MAD1L1: variants seen among roughly 807,000 people sequenced by gnomAD.
The protein encoded by MAD1L1 is mitotic arrest deficient 1 like 1, also known as mitotic spindle assembly checkpoint protein MAD1.
Under a neutral mutation model 96.9 loss-of-function variants are expected in MAD1L1, and 95 were observed. The observed-to-expected ratio is 0.98, with a 90% confidence interval of 0.83 to 1.16. MAD1L1 has a LOEUF of 1.16. MAD1L1 is among the 50% of genes most tolerant of loss of function. The pLI is 0.00. For missense variants in MAD1L1, 1,007 were observed against 954.4 expected, an observed-to-expected ratio of 1.06 and a Z score of -0.73; for synonymous variants, 473 against 396.6, an observed-to-expected ratio of 1.19 and a Z score of -2.29.
chr7:2,041,835 G>A (rs201439513), intron 12 of MAD1L1, among the ~76,000 whole-genome samples: 4 of 14,152 alleles, frequency 2.8e-4, no homozygotes, highest in Admixed American at 2.1e-3. Flanking sequence ...CAGCCCACAG[G>A]GGGGAGGGAT....
chr7:2,201,020 G>T (rs1177772068), intron 10 of MAD1L1, among the ~76,000 whole-genome samples: 3 of 152,220 alleles, frequency 2.0e-5, no homozygotes, highest in Non-Finnish European at 4.4e-5. Flanking sequence ...GTGCAGGCAA[G>T]ACCAGCAGCT....
intron 14 of MAD1L1, 101 bp downstream of exon 14, chr7:2,001,964 G>T: frequency 2.4e-6 from 3 of 1,227,940 alleles, no homozygotes; most frequent in Non-Finnish European, 3.6e-6. Context: ...AGGCAGCCAT[G>T]CACTGGCGCC....
chr7:2,165,029 C>T (rs984017295), intron 10 of MAD1L1, among the ~76,000 whole-genome samples: 5 of 151,980 alleles, frequency 3.3e-5, no homozygotes, highest in South Asian at 2.1e-4. Flanking sequence ...ACAGATTCAA[C>T]GAAACAAAAG....
rs78903708 is a variant in MAD1L1 at position 2,046,674 on chromosome 7, G to A, written c.1218+22520C>T. ...CTGCCCTACACTAAGCCGTGAGGAC[G>A]TCTTAGTGTAGGAAAGGGGTGAGCG... is the stretch of plus-strand genomic sequence containing the variant. On this transcript the variant is annotated intron_variant, in intron 12 of 18. Transcript: ENST00000265854. Among the ~76,000 whole-genome samples the A allele has an allele frequency of 4.0e-4, 61 of 152,312 alleles. 1 individual carries two copies. The East Asian group carries it at 6.2e-3, about 15-fold the overall frequency.
chr7:2,131,991 G>A (rs1011898142), intron 11 of MAD1L1, among the ~76,000 whole-genome samples: 27 of 152,138 alleles, frequency 1.8e-4, no homozygotes, highest in African/African-American at 5.1e-4. Context: ...TCGTAGACCC[G>A]CCGCGGCGCT....
intron 18 of MAD1L1, among the ~76,000 whole-genome samples, chr7:1,840,227 G>A (rs1278890098): frequency 2.6e-5 from 4 of 152,220 alleles, no homozygotes; most frequent in Non-Finnish European, 4.4e-5. Flanking sequence ...GCCGGTGAGC[G>A]TGAGCAAGTG....
At chr7:1,967,198 T>C (rs575847013) in intron 15 of MAD1L1, among the ~76,000 whole-genome samples, 5 of 152,216 alleles carry the variant, frequency 3.3e-5, no homozygotes, top group East Asian at 3.9e-4. Context: ...TGATTCTCAG[T>C]AGGCAGTGAT....
chr7:2,051,390 G>A (rs1361195994), intron 12 of MAD1L1, among the ~76,000 whole-genome samples: 1 of 152,226 alleles, frequency 6.6e-6, no homozygotes, highest in Non-Finnish European at 1.5e-5. Context: ...CCCACGTGGT[G>A]CTGTGGAGCC....
At chr7:2,104,243 T>G (rs1303781349) in intron 11 of MAD1L1, among the ~76,000 whole-genome samples, 1 of 152,214 alleles carries the variant, frequency 6.6e-6, no homozygotes, top group Non-Finnish European at 1.5e-5. Context: ...GAGTCCCCTG[T>G]GCACTGGCGG....
chr7:1,878,043 T>C (rs1785473786), intron 18 of MAD1L1, among the ~76,000 whole-genome samples: 1 of 152,068 alleles, frequency 6.6e-6, no homozygotes. Flanking sequence ...AATAATGAAT[T>C]ATTATGAATG....
chr7:2,100,591 C>T (rs567299013), intron 11 of MAD1L1, among the ~76,000 whole-genome samples: 19 of 152,376 alleles, frequency 1.2e-4, no homozygotes, highest in African/African-American at 4.6e-4. Context: ...AGCAGAGATG[C>T]TGTCCGTGTC....
At chr7:1,886,294 G>A (rs988543089) in intron 18 of MAD1L1, among the ~76,000 whole-genome samples, 1 of 152,234 alleles carries the variant, frequency 6.6e-6, no homozygotes, top group African/African-American at 2.4e-5. Context: ...GGGAGATGGT[G>A]GGCTGGCAGA....
chr7:2,093,877 T>C (rs956078355), intron 11 of MAD1L1, among the ~76,000 whole-genome samples: 1 of 152,160 alleles, frequency 6.6e-6, no homozygotes, highest in Admixed American at 6.5e-5. Context: ...CTCCATCAGC[T>C]GAAAAGCCTC....
At chr7:1,914,092 C>T (rs1471281094) in intron 17 of MAD1L1, among the ~76,000 whole-genome samples, 4 of 152,190 alleles carry the variant, frequency 2.6e-5, no homozygotes, top group South Asian at 2.1e-4. Flanking sequence ...CCAGGCCCGA[C>T]CCCACAATGG....
intron 18 of MAD1L1, among the ~76,000 whole-genome samples, chr7:1,876,244 T>C (rs915938864): frequency 1.3e-5 from 2 of 152,104 alleles, no homozygotes; most frequent in African/African-American, 4.8e-5. Context: ...TCCACAACCA[T>C]TGGTCATGTT....
At chr7:1,934,014 G>T (rs1789632541) in intron 17 of MAD1L1, among the ~76,000 whole-genome samples, 1 of 152,318 alleles carries the variant, frequency 6.6e-6, no homozygotes, top group Admixed American at 6.5e-5. Context: ...GACTCCAAAA[G>T]TCTGCCTCTG....
At chr7:2,106,116 C>T (rs1787085101) in intron 11 of MAD1L1, among the ~76,000 whole-genome samples, 2 of 151,666 alleles carry the variant, frequency 1.3e-5, no homozygotes, top group Non-Finnish European at 2.9e-5. Context: ...CCCCTCCACC[C>T]TGCCCAGCAC....
chr7:2,017,716 C>T (rs761928014), intron 12 of MAD1L1, among the ~76,000 whole-genome samples: 8 of 152,196 alleles, frequency 5.3e-5, no homozygotes, highest in Non-Finnish European at 8.8e-5. Flanking sequence ...TCAGCAGGTG[C>T]TCCGGCGCGC....
intron 10 of MAD1L1, among the ~76,000 whole-genome samples, chr7:2,199,695 C>A (rs921147191): frequency 6.6e-6 from 1 of 152,256 alleles, no homozygotes; most frequent in African/African-American, 2.4e-5. Context: ...GCAGACACAC[C>A]GGGCAGCCAC....
Sources: gnomAD v4.1 joint callset for allele counts (sites outside exome capture counted in the v4.1 genomes callset) on GRCh38, gnomAD v4.1.1 for gene constraint, MANE v1.5 for transcripts, NCBI Gene and HGNC (gene_info 2026-07-23, HGNC 2026-07-21) for gene names.